KIRREL1: variants seen among roughly 807,000 people sequenced by gnomAD.
The protein encoded by KIRREL1 is kirre like nephrin family adhesion molecule 1, also known as kin of IRRE-like protein 1.
In KIRREL1, 25 loss-of-function variants were observed where a neutral mutation model predicts 83.3. That is an observed-to-expected ratio of 0.30 (90% CI 0.22 to 0.42). The LOEUF is 0.42. Ranked by LOEUF, KIRREL1 falls within the 10% of genes least tolerant of loss-of-function variation. KIRREL1 has a pLI of 1.00. For missense variants in KIRREL1, 812 were observed against 1,032.3 expected, an observed-to-expected ratio of 0.79 and a Z score of 2.92; for synonymous variants, 388 against 410.4, an observed-to-expected ratio of 0.95 and a Z score of 0.66.
intron 1 of KIRREL1, among the ~76,000 whole-genome samples, chr1:158,012,248 G>A (rs1200233028): frequency 6.6e-6 from 1 of 152,104 alleles, no homozygotes; most frequent in African/African-American, 2.4e-5. Context: ...GGTTTATTCA[G>A]TAGTAAAATG....
At chr1:158,002,690 G>A (rs1335432298) in intron 1 of KIRREL1, among the ~76,000 whole-genome samples, 3 of 152,200 alleles carry the variant, frequency 2.0e-5, no homozygotes, top group African/African-American at 7.2e-5. Context: ...AAGGTTGTGA[G>A]AGAGGTATGT....
At chr1:157,995,937 G>A (rs182958500) in intron 1 of KIRREL1, among the ~76,000 whole-genome samples, 26 of 152,022 alleles carry the variant, frequency 1.7e-4, no homozygotes, top group African/African-American at 6.0e-4. Context: ...GGGGAGACTG[G>A]GACACACATG....
At chr1:158,085,157 A>T (rs1356336549) in intron 4 of KIRREL1, among the ~76,000 whole-genome samples, 1 of 152,230 alleles carries the variant, frequency 6.6e-6, no homozygotes, top group African/African-American at 2.4e-5. Flanking sequence ...GCCATGAAAG[A>T]TATCAAGTGA....
At chr1:158,031,623 G>C (rs1571551808) in intron 1 of KIRREL1, among the ~76,000 whole-genome samples, 1 of 152,218 alleles carries the variant, frequency 6.6e-6, no homozygotes, top group African/African-American at 2.4e-5. Context: ...CCAAATGGCT[G>C]GGCGACTTCT....
intron 4 of KIRREL1, among the ~76,000 whole-genome samples, chr1:158,084,997 C>A (rs1018188469): frequency 1.3e-5 from 2 of 152,148 alleles, no homozygotes; most frequent in Admixed American, 1.3e-4. Context: ...TGGCACAGAG[C>A]GGGGGTTTGT....
At chr1:158,003,821 T>C (rs1220604486) in intron 1 of KIRREL1, among the ~76,000 whole-genome samples, 1 of 151,850 alleles carries the variant, frequency 6.6e-6, no homozygotes, top group Non-Finnish European at 1.5e-5. Flanking sequence ...AAAAATCTAA[T>C]GCATTTCAAA....
At chr1:158,015,855 T>A (rs946234799) in intron 1 of KIRREL1, among the ~76,000 whole-genome samples, 3 of 152,192 alleles carry the variant, frequency 2.0e-5, no homozygotes, top group Non-Finnish European at 4.4e-5. Flanking sequence ...CTTTCCCTGC[T>A]TCCCTAATCT....
At chr1:158,061,025 C>T (rs933919278) in intron 1 of KIRREL1, among the ~76,000 whole-genome samples, 5 of 152,082 alleles carry the variant, frequency 3.3e-5, no homozygotes, top group African/African-American at 7.2e-5. Context: ...GCTGAGTTTC[C>T]GGAGGCTTCC....
intron 1 of KIRREL1, among the ~76,000 whole-genome samples, chr1:158,017,430 G>A (rs980640497): frequency 4.0e-5 from 6 of 151,264 alleles, no homozygotes; most frequent in African/African-American, 9.7e-5. Flanking sequence ...AGTGGCTCAC[G>A]CCTTTAATCC....
chr1:158,071,399 C>A lies in KIRREL1; in HGVS notation c.53-4714C>A, dbSNP rs190441699. On this transcript the variant is annotated intron_variant, in intron 1 of 14. Coordinates refer to ENST00000359209, the MANE Select transcript of KIRREL1 (RefSeq NM_018240.7). The stretch of plus-strand genomic sequence containing the variant: ...GTGCGTGCCCTGGCACACAGGTATG[C>A]TGCTCAGTTTTTCTCTGCCTGTCTT... 2.8e-4 allele frequency among the ~76,000 whole-genome samples: 42 copies of A among 152,374 alleles called. 1 individual carries two copies. In the East Asian group the frequency reaches 7.7e-3, roughly 28 times the overall value.
At chr1:158,088,775 C>T (rs1173273119) in intron 8 of KIRREL1, among the ~76,000 whole-genome samples, 1 of 152,186 alleles carries the variant, frequency 6.6e-6, no homozygotes, top group Non-Finnish European at 1.5e-5. Flanking sequence ...TGAGCCACCG[C>T]GCCCGGCCTT....
At chr1:157,997,223 T>G (rs1054036449) in intron 1 of KIRREL1, among the ~76,000 whole-genome samples, 3 of 152,186 alleles carry the variant, frequency 2.0e-5, no homozygotes, top group Non-Finnish European at 4.4e-5. Context: ...AGTCGTAAGC[T>G]TGAACAAGTC....
rs1661948006 is a variant in KIRREL1, at chr1:158,084,102, C to G, written c.353-320C>G. Among the ~76,000 whole-genome samples the G allele has an allele frequency of 2.0e-5, 3 of 152,092 alleles. No individual in the cohort carries two copies. In the South Asian group the frequency reaches 6.2e-4, roughly 32 times the overall value. On this transcript the variant is annotated intron_variant, in intron 3 of 14. Coordinates refer to ENST00000359209, the MANE Select transcript of KIRREL1 (RefSeq NM_018240.7). ...CTGAGATGGCACCACTGCACTCCAG[C>G]CTGGGCGACAGAGTGACACTCCATC...
chr1:158,006,745 G>A lies in KIRREL1; in HGVS notation c.52+13017G>A, dbSNP rs149800321. Among the ~76,000 whole-genome samples, 407 of 152,298 alleles carry A rather than the reference G, an allele frequency of 2.7e-3. 2 individuals are homozygous for A. The highest frequency in any genetic ancestry group is 9.2e-3 in the African/African-American group (382 of 41,562). On this transcript the variant is annotated intron_variant, in intron 1 of 14. Transcript: ENST00000359209. ...GGTGTCCTTCCCATCATTTCTAGCC[G>A]ATGGCCTGAGGGACCCTCCTCCTCT...
chr1:158,041,928 G>A (rs1342030935), intron 1 of KIRREL1, among the ~76,000 whole-genome samples: 3 of 152,120 alleles, frequency 2.0e-5, no homozygotes, highest in South Asian at 2.1e-4. Context: ...CAGTTGGTCT[G>A]GTTCAGAGAT....
chr1:158,048,734 C>T (rs976577549), intron 1 of KIRREL1, among the ~76,000 whole-genome samples: 1 of 152,174 alleles, frequency 6.6e-6, no homozygotes, highest in African/African-American at 2.4e-5. Context: ...AGTTGAGCAC[C>T]TGTTACAGTA....
intron 1 of KIRREL1, among the ~76,000 whole-genome samples, chr1:158,061,168 G>T (rs1661206486): frequency 6.6e-6 from 1 of 152,000 alleles, no homozygotes; most frequent in Admixed American, 6.6e-5. Context: ...AGGAAGCAAA[G>T]GCTGCTCGTT....
chr1:158,043,488 C>T (rs998584430), intron 1 of KIRREL1, among the ~76,000 whole-genome samples: 1 of 152,180 alleles, frequency 6.6e-6, no homozygotes, highest in African/African-American at 2.4e-5. Context: ...CCTGGCTGCT[C>T]CCTTTCAGGG....
chr1:158,093,299 C>T (rs1388709079), intron 11 of KIRREL1, 40 bp from the exon 12 acceptor site: 4 of 1,550,000 alleles, frequency 2.6e-6, no homozygotes, highest in East Asian at 2.2e-5. Context: ...CCCAGTATAA[C>T]TCCAGCCTCA....
Sources: gnomAD v4.1 joint callset for allele counts (sites outside exome capture counted in the v4.1 genomes callset) on GRCh38, gnomAD v4.1.1 for gene constraint, MANE v1.5 for transcripts, NCBI Gene and HGNC (gene_info 2026-07-23, HGNC 2026-07-21) for gene names.